VPS13B: variants seen among roughly 807,000 people sequenced by gnomAD.
The protein encoded by VPS13B is intermembrane lipid transfer protein VPS13B.
Under a neutral mutation model 426.4 loss-of-function variants are expected in VPS13B, and 285 were observed. That is an observed-to-expected ratio of 0.67 (90% CI 0.61 to 0.74). The LOEUF (loss-of-function observed/expected upper bound fraction) is 0.74, where lower values mean the gene tolerates loss of function less well. Among genes scored for constraint, VPS13B ranks in the 30% least tolerant of loss-of-function variants. VPS13B has a pLI of 0.00. For synonymous variants in VPS13B, 1,676 were observed against 1,676.4 expected (o/e 1.00, Z 0.01); for missense variants, 4,537 against 4,782.6 (o/e 0.95, Z 1.51).
intron 30 of VPS13B, among the ~76,000 whole-genome samples, chr8:99,522,713 A>G (rs1822434631): frequency 6.6e-6 from 1 of 152,152 alleles, no homozygotes; most frequent in South Asian, 2.1e-4. Context: ...GTCAAATGTA[A>G]AATTCTAGAT....
At chr8:99,303,917 A>G (rs1820508711) in intron 19 of VPS13B, among the ~76,000 whole-genome samples, 1 of 152,018 alleles carries the variant, frequency 6.6e-6, no homozygotes, top group East Asian at 1.9e-4. Context: ...GTAGTTCTCC[A>G]TAGCTTCTTT....
chr8:99,817,349 T>C (rs1319168958), intron 44 of VPS13B, among the ~76,000 whole-genome samples, 191 bp from the exon 45 acceptor site: 1 of 152,104 alleles, frequency 6.6e-6, no homozygotes, highest in African/African-American at 2.4e-5. Flanking sequence ...CTTTAAATAC[T>C]GCAAACTCAA....
At chr8:99,706,783 G>A (rs531966365) in intron 36 of VPS13B, among the ~76,000 whole-genome samples, 4 of 152,210 alleles carry the variant, frequency 2.6e-5, no homozygotes, top group Admixed American at 6.5e-5. Context: ...GCCCCTATTA[G>A]GTTAGTATTA....
At chr8:99,101,923 GTTTTC>G (rs1420363348) in intron 4 of VPS13B, among the ~76,000 whole-genome samples, 1 of 151,754 alleles carries the variant, frequency 6.6e-6, no homozygotes, top group Non-Finnish European at 1.5e-5. Context: ...CTTTTAAATA[GTTTTC>G]TTTAATAGTG....
At chr8:99,742,783 C>T (rs371729946) in intron 39 of VPS13B, among the ~76,000 whole-genome samples, 11 of 152,038 alleles carry the variant, frequency 7.2e-5, no homozygotes, top group East Asian at 1.9e-4. Flanking sequence ...CAACCCTTCA[C>T]GCCAAAAACT....
chr8:99,824,324 C>T (rs1452858781), intron 51 of VPS13B, among the ~76,000 whole-genome samples: 1 of 152,166 alleles, frequency 6.6e-6, no homozygotes, highest in African/African-American at 2.4e-5. Flanking sequence ...CATGGAAAAG[C>T]ACATCTGTCT....
intron 17 of VPS13B, among the ~76,000 whole-genome samples, chr8:99,259,564 T>C (rs1817934987): frequency 1.3e-5 from 2 of 152,202 alleles, no homozygotes; most frequent in South Asian, 4.1e-4. Flanking sequence ...CAAAAATCTG[T>C]TTCACTCCAG....
At chr8:99,226,091 C>T (rs1426570429) in intron 17 of VPS13B, among the ~76,000 whole-genome samples, 1 of 152,046 alleles carries the variant, frequency 6.6e-6, no homozygotes, top group Non-Finnish European at 1.5e-5. Flanking sequence ...ACTACAGGTG[C>T]CCGCCACCAT....
intron 36 of VPS13B, among the ~76,000 whole-genome samples, chr8:99,715,621 C>T (rs1024721303): frequency 6.6e-6 from 1 of 152,090 alleles, no homozygotes; most frequent in Non-Finnish European, 1.5e-5. Flanking sequence ...TACAAGGATT[C>T]AATATGACTA....
intron 19 of VPS13B, among the ~76,000 whole-genome samples, chr8:99,295,393 G>T (rs1170734178): frequency 1.3e-5 from 2 of 152,148 alleles, no homozygotes; most frequent in African/African-American, 4.8e-5. Flanking sequence ...ATCTAAAGTG[G>T]TCAGAAACTG....
intron 34 of VPS13B, among the ~76,000 whole-genome samples, chr8:99,648,249 ACTTAT>A (rs1829672043): frequency 6.6e-6 from 1 of 152,204 alleles, no homozygotes; most frequent in Non-Finnish European, 1.5e-5. Context: ...TGATAACCAT[ACTTAT>A]TAAGATTAAT....
chr8:99,679,645 G>A (rs1244443035), intron 35 of VPS13B, among the ~76,000 whole-genome samples: 1 of 152,108 alleles, frequency 6.6e-6, no homozygotes. Flanking sequence ...ACAGCATGTA[G>A]CCTGTTCCAC....
intron 31 of VPS13B, among the ~76,000 whole-genome samples, chr8:99,558,410 T>TTTA (rs138533550): frequency 0.26 from 39,534 of 151,502 alleles, 5,841 homozygotes; most frequent in East Asian, 0.45. Flanking sequence ...ATGTTTTCTT[T>TTTA]TTATTATTAT....
chr8:99,560,495 A>G (rs1223077469), intron 31 of VPS13B, among the ~76,000 whole-genome samples: 1 of 152,166 alleles, frequency 6.6e-6, no homozygotes, highest in Non-Finnish European at 1.5e-5. Flanking sequence ...CATCGCCATC[A>G]TGTTCATTGA....
At chr8:99,332,479 T>C (rs1203207760) in intron 19 of VPS13B, among the ~76,000 whole-genome samples, 1 of 151,632 alleles carries the variant, frequency 6.6e-6, no homozygotes. Context: ...AAATAAAATA[T>C]TCTTTTATAT....
chr8:99,825,545 C>A (rs1384492766), intron 51 of VPS13B, among the ~76,000 whole-genome samples: 4 of 152,128 alleles, frequency 2.6e-5, no homozygotes, highest in African/African-American at 9.7e-5. Context: ...ATGATAGTTT[C>A]TTTTGCTGTG....
intron 19 of VPS13B, among the ~76,000 whole-genome samples, chr8:99,321,513 C>T (rs1019457407): frequency 2.0e-5 from 3 of 151,998 alleles, no homozygotes; most frequent in Admixed American, 6.6e-5. Context: ...TGGCCTATTC[C>T]AAATTTTCGA....
chr8:99,773,979 GTC>G (rs888131184), intron 40 of VPS13B, among the ~76,000 whole-genome samples: 1 of 152,150 alleles, frequency 6.6e-6, no homozygotes, highest in African/African-American at 2.4e-5. Context: ...GCTACTGCAA[GTC>G]TCTAGCAGGG....
chr8:99,857,258 G>C (rs1387779378), intron 56 of VPS13B, among the ~76,000 whole-genome samples: 1 of 152,176 alleles, frequency 6.6e-6, no homozygotes, highest in African/African-American at 2.4e-5. Flanking sequence ...GGCCGAGGCG[G>C]ATTCCCACTC....
Sources: allele counts gnomAD v4.1 joint callset (sites outside exome capture counted in the v4.1 genomes callset), GRCh38; gene constraint gnomAD v4.1.1; transcripts MANE v1.5; gene names NCBI Gene and HGNC (gene_info 2026-07-23, HGNC 2026-07-21).